RASGEF1C: variants seen among roughly 807,000 people sequenced by gnomAD.
The protein encoded by RASGEF1C is RasGEF domain family member 1C.
A neutral mutation model predicts 58.1 loss-of-function variants in RASGEF1C; 27 were observed. That is an observed-to-expected ratio of 0.46 (90% CI 0.34 to 0.64). RASGEF1C has a LOEUF of 0.64. RASGEF1C is among the 30% of genes least tolerant of loss of function. The pLI, the probability that RASGEF1C is intolerant of heterozygous loss-of-function variation, is 0.01. For synonymous variants in RASGEF1C, 243 were observed against 246.3 expected (o/e 0.99, Z 0.13); for missense variants, 502 against 605.1 (o/e 0.83, Z 1.79).
At chr5:180,126,068 T>A (rs955698841) in intron 6 of RASGEF1C, among the ~76,000 whole-genome samples, 20 of 151,152 alleles carry the variant, frequency 1.3e-4, no homozygotes, top group Non-Finnish European at 2.9e-4. Flanking sequence ...TATTTCACAA[T>A]AAAAAAGTAA....
chr5:180,104,670 A>C (rs1052060679), intron 12 of RASGEF1C, among the ~76,000 whole-genome samples: 8 of 152,200 alleles, frequency 5.3e-5, no homozygotes, highest in African/African-American at 1.9e-4. Flanking sequence ...TAATTCTTTA[A>C]GCATTTGGTA....
chr5:180,102,370 C>T (rs1329429600), intron 12 of RASGEF1C, among the ~76,000 whole-genome samples: 2 of 152,114 alleles, frequency 1.3e-5, no homozygotes, highest in Non-Finnish European at 2.9e-5. Context: ...TGTATAAATA[C>T]ATGAGTCTTT....
intron 1 of RASGEF1C, among the ~76,000 whole-genome samples, chr5:180,184,955 T>C (rs752359964): frequency 5.3e-5 from 8 of 152,176 alleles, no homozygotes; most frequent in Non-Finnish European, 1.0e-4. Flanking sequence ...GTTGAGATTT[T>C]TGTCATCTGT....
rs1767241648 is a variant in RASGEF1C at position 180,177,061 on chromosome 5, AG to A, written c.-7+31966del. Among the ~76,000 whole-genome samples the A allele has an allele frequency of 6.6e-6, 1 of 151,870 alleles. No individual in the cohort carries two copies. The highest frequency in any genetic ancestry group is 2.4e-5 in the African/African-American group (1 of 41,354). ...CTCCCAGAGGAGAGGGCTGCAGACG[AG>A]GGGTTTCCAAGGGACGGCAACTTTT... On this transcript the variant is annotated intron_variant, in intron 1 of 13. Coordinates refer to ENST00000361132, the MANE Select transcript of RASGEF1C (RefSeq NM_175062.4). This position sits in a 1 kb window ranked among gnomAD's most constrained non-coding sequence, Gnocchi z 5.0.
chr5:180,110,850 C>T (rs984480356), intron 12 of RASGEF1C, among the ~76,000 whole-genome samples: 7 of 151,948 alleles, frequency 4.6e-5, no homozygotes, highest in Admixed American at 3.3e-4. Flanking sequence ...AAGTCTTGCT[C>T]TGTCACCCAG....
At chr5:180,178,711 C>T (rs2113320505) in intron 1 of RASGEF1C, among the ~76,000 whole-genome samples, 1 of 152,326 alleles carries the variant, frequency 6.6e-6, no homozygotes, top group South Asian at 2.1e-4. Flanking sequence ...CTGCTGCTGG[C>T]TTTCATCACC....
chr5:180,132,647 T>C (rs1393502511), intron 4 of RASGEF1C, among the ~76,000 whole-genome samples: 1 of 152,184 alleles, frequency 6.6e-6, no homozygotes, highest in East Asian at 1.9e-4. Context: ...CAGTGGTCAG[T>C]TCCCCAGACA....
rs530126832 is a variant in RASGEF1C, at chr5:180,189,108, T to C, written c.-7+19920A>G. ...GTGATTCCAGCAAGATTCCAAGATA[T>C]GAGATCAATACGTAAGCATCAATTG... On this transcript the variant is annotated intron_variant, in intron 1 of 13. Transcript: ENST00000361132. Among the ~76,000 whole-genome samples the C allele has an allele frequency of 4.5e-4, 69 of 152,304 alleles. 1 individual carries two copies. In the South Asian group the frequency reaches 0.014, roughly 31 times the overall value.
intron 12 of RASGEF1C, among the ~76,000 whole-genome samples, chr5:180,107,543 TC>T (rs1237321280): frequency 6.6e-6 from 1 of 152,168 alleles, no homozygotes; most frequent in Non-Finnish European, 1.5e-5. Context: ...CAGAGTGTTT[TC>T]CCCCTATGGG....
chr5:180,108,833 A>C (rs1417746299), intron 12 of RASGEF1C, among the ~76,000 whole-genome samples: 1 of 152,216 alleles, frequency 6.6e-6, no homozygotes, highest in Non-Finnish European at 1.5e-5. Context: ...GCTGGGGCTC[A>C]GTACATCCTA....
intron 1 of RASGEF1C, among the ~76,000 whole-genome samples, chr5:180,199,077 C>A (rs1756333255): frequency 6.6e-6 from 1 of 152,328 alleles, no homozygotes. Context: ...TCCTCCCCAA[C>A]CCCCACCTGC....
intron 4 of RASGEF1C, among the ~76,000 whole-genome samples, chr5:180,133,009 G>C (rs902979290): frequency 2.6e-5 from 4 of 151,522 alleles, no homozygotes. Context: ...TCCTCGGAGA[G>C]GGGCTGCCTG....
chr5:180,175,945 G>A (rs935897954), intron 1 of RASGEF1C, among the ~76,000 whole-genome samples: 2 of 152,190 alleles, frequency 1.3e-5, no homozygotes, highest in East Asian at 1.9e-4. Context: ...CGGAGATCAC[G>A]CCACTGCACT....
chr5:180,160,152 G>T (rs1005187831), intron 1 of RASGEF1C, among the ~76,000 whole-genome samples: 6 of 152,214 alleles, frequency 3.9e-5, no homozygotes, highest in Non-Finnish European at 8.8e-5. Flanking sequence ...TAACTTGGAG[G>T]TGTTTCCTGC....
At chr5:180,199,909 T>C (rs540809073) in intron 1 of RASGEF1C, among the ~76,000 whole-genome samples, 7 of 152,296 alleles carry the variant, frequency 4.6e-5, no homozygotes, top group Admixed American at 1.3e-4. Context: ...GCTGATGTCT[T>C]GATTCCTGTA....
rs1397160074 is a variant in RASGEF1C, at chr5:180,197,545, A to C, written c.-7+11483T>G. 6.6e-6 allele frequency among the ~76,000 whole-genome samples: 1 copy of C among 152,146 alleles called. No homozygotes were observed. The highest frequency in any genetic ancestry group is 1.5e-5 in the Non-Finnish European group (1 of 68,016). On this transcript the variant is annotated intron_variant, in intron 1 of 13. Transcript: ENST00000361132. The surrounding 1 kb of genome is among the most constrained non-coding windows in gnomAD (Gnocchi z 4.7). The stretch of plus-strand genomic sequence containing the variant: ...AGAGTGAGAGCAGTCCACGCTCAAA[A>C]ATAGCCCAGACTGTCAACCGCACAA...
intron 1 of RASGEF1C, among the ~76,000 whole-genome samples, chr5:180,161,425 C>A (rs10078112): frequency 0.16 from 24,764 of 152,264 alleles, 2,213 homozygotes; most frequent in African/African-American, 0.21. Context: ...GCAGCCCCGG[C>A]GACACGAGGA....
intron 12 of RASGEF1C, among the ~76,000 whole-genome samples, chr5:180,102,848 G>A (rs1248575939): frequency 6.6e-6 from 1 of 152,032 alleles, no homozygotes; most frequent in South Asian, 2.1e-4. Context: ...TTCCTCCCAC[G>A]AATCCTTTTC....
rs1171399823 is a variant in RASGEF1C, at chr5:180,121,158, AAC to A, written c.715-11_715-10del. The A allele has an allele frequency of 6.2e-7, 1 of 1,604,724 alleles. No homozygotes were observed. Among genetic ancestry groups the A allele is most frequent in the South Asian group, 1.1e-5 (1 of 90,898 alleles). Reference sequence around the variant, plus strand: ...TTGTCACTGAAGCAGGGCTAGAACAAACACAGCACACGGGACCACGTTCTGAG... The same window carrying A: ...TTGTCACTGAAGCAGGGCTAGAACAAACAGCACACGGGACCACGTTCTGAG... On this transcript the variant is annotated splice_polypyrimidine_tract_variant and intron_variant, in intron 6 of 13. Coordinates refer to ENST00000361132, the MANE Select transcript of RASGEF1C (RefSeq NM_175062.4).
Sources: allele counts gnomAD v4.1 joint callset (sites outside exome capture counted in the v4.1 genomes callset), GRCh38; gene constraint gnomAD v4.1.1; non-coding constraint Gnocchi (gnomAD v3.1); transcripts MANE v1.5; gene names NCBI Gene and HGNC (gene_info 2026-07-23, HGNC 2026-07-21).